SLC30A8: variants seen among roughly 807,000 people sequenced by gnomAD.
SLC30A8 encodes solute carrier family 30 member 8.
A neutral mutation model predicts 36.9 loss-of-function variants in SLC30A8; 27 were observed. The ratio of observed to expected loss-of-function variants is 0.73; its 90% CI spans 0.54 to 1.01. SLC30A8 has a LOEUF of 1.01. SLC30A8 is among the 50% of genes least tolerant of loss of function. The pLI, the probability that SLC30A8 is intolerant of heterozygous loss-of-function variation, is 0.00. For synonymous variants in SLC30A8, 164 were observed against 172.4 expected, an observed-to-expected ratio of 0.95 and a Z score of 0.38; for missense variants, 439 against 452.0, an observed-to-expected ratio of 0.97 and a Z score of 0.26.
At chr8:117,065,631 G>A (rs916992912) in intron 2 of SLC30A8, among the ~76,000 whole-genome samples, 4 of 151,904 alleles carry the variant, frequency 2.6e-5, no homozygotes, top group Non-Finnish European at 5.9e-5. Context: ...GACTTTACAC[G>A]GTCTCTGTGG....
chr8:117,028,550 G>GTTT (rs57593485), intron 1 of SLC30A8, among the ~76,000 whole-genome samples: 6 of 144,216 alleles, frequency 4.2e-5, no homozygotes, highest in East Asian at 2.0e-4. Flanking sequence ...TCTCACCACA[G>GTTT]TTTTTTTTTT....
upstream of SLC30A8, among the ~76,000 whole-genome samples, chr8:117,134,060 G>A (rs1469486256): frequency 6.6e-6 from 1 of 151,926 alleles, no homozygotes; most frequent in Non-Finnish European, 1.5e-5. Flanking sequence ...AACCAAAGGT[G>A]ACTTCTCCTG....
chr8:117,145,748 G>A (rs1447350025), intron 1 of SLC30A8, among the ~76,000 whole-genome samples: 1 of 152,038 alleles, frequency 6.6e-6, no homozygotes, highest in Non-Finnish European at 1.5e-5. Flanking sequence ...CTGAGCTTGG[G>A]ATTCCCACTC....
intron 1 of SLC30A8, among the ~76,000 whole-genome samples, chr8:116,992,406 C>A (rs1022054852): frequency 6.6e-6 from 1 of 152,016 alleles, no homozygotes; most frequent in Non-Finnish European, 1.5e-5. Flanking sequence ...AAGCATAGGG[C>A]CAAGATTCAA....
chr8:116,966,774 TAAGAG>T (rs1246026111), intron 1 of SLC30A8, among the ~76,000 whole-genome samples: 1 of 152,076 alleles, frequency 6.6e-6, no homozygotes, highest in East Asian at 1.9e-4. Flanking sequence ...ACCAGGGAAA[TAAGAG>T]AGGAGGATGT....
intron 2 of SLC30A8, among the ~76,000 whole-genome samples, chr8:117,041,265 G>C (rs559247734): frequency 2.0e-5 from 3 of 152,206 alleles, no homozygotes; most frequent in Non-Finnish European, 2.9e-5. Flanking sequence ...GGGAGGGGTG[G>C]AGAAGAGGAA....
chr8:117,175,973 A>G lies in SLC30A8; in HGVS notation c.*3292A>G, dbSNP rs1402992462. ...TTTGAAGAGCAGAATTGTCACTCCA[A>G]GGACATTTATTAATAAAAAGAACAA... On this transcript the variant is annotated 3_prime_UTR_variant, in exon 8 of 8. Coordinates refer to ENST00000456015, the MANE Select transcript of SLC30A8 (RefSeq NM_173851.3). 1.3e-5 allele frequency: 2 copies of G among 152,104 alleles called. No homozygotes were observed. Among genetic ancestry groups the G allele is most frequent in the Non-Finnish European group, 2.9e-5 (2 of 68,004 alleles). 9.4% of individuals were successfully genotyped at this position (152,104 alleles called of 1,614,324 possible).
intron 1 of SLC30A8, among the ~76,000 whole-genome samples, chr8:117,145,648 A>T (rs1053955656): frequency 1.9e-4 from 29 of 152,100 alleles, no homozygotes; most frequent in Admixed American, 3.3e-4. Flanking sequence ...TAAAAATCTG[A>T]TTAGTTCAAG....
intron 2 of SLC30A8, among the ~76,000 whole-genome samples, chr8:117,094,576 C>T (rs1819276364): frequency 6.6e-6 from 1 of 152,122 alleles, no homozygotes; most frequent in Non-Finnish European, 1.5e-5. Flanking sequence ...CTTTTATGGG[C>T]CTCAGAGGGG....
intron 2 of SLC30A8, among the ~76,000 whole-genome samples, chr8:117,054,416 T>C (rs1463398584): frequency 6.6e-6 from 1 of 152,192 alleles, no homozygotes; most frequent in African/African-American, 2.4e-5. Context: ...TCTTTGCATT[T>C]ACCATCTGAT....
At chr8:117,053,450 A>G (rs1817772462) in intron 2 of SLC30A8, among the ~76,000 whole-genome samples, 1 of 152,130 alleles carries the variant, frequency 6.6e-6, no homozygotes. Flanking sequence ...GCAGACGGAA[A>G]ACAGAGGCCG....
At chr8:116,984,680 G>C (rs1479003982) in intron 1 of SLC30A8, among the ~76,000 whole-genome samples, 1 of 151,702 alleles carries the variant, frequency 6.6e-6, no homozygotes. Context: ...CATTTCAATG[G>C]CTACAAATGT....
At chr8:117,116,430 A>G (rs894692961) in intron 2 of SLC30A8, among the ~76,000 whole-genome samples, 1 of 152,072 alleles carries the variant, frequency 6.6e-6, no homozygotes, top group African/African-American at 2.4e-5. Flanking sequence ...TAGGAATGGC[A>G]TATTGTGTGA....
chr8:117,115,783 C>T (rs1358215869), intron 2 of SLC30A8, among the ~76,000 whole-genome samples: 2 of 151,958 alleles, frequency 1.3e-5, no homozygotes, highest in Non-Finnish European at 2.9e-5. Flanking sequence ...GGCATATGAA[C>T]TGAGATCTAA....
At chr8:117,020,604 AAAG>A (rs537258226) in intron 1 of SLC30A8, among the ~76,000 whole-genome samples, 1 of 152,228 alleles carries the variant, frequency 6.6e-6, no homozygotes, top group South Asian at 2.1e-4. Context: ...GCTGTGAAAA[AAAG>A]AACAGGAAAA....
At chr8:117,104,445 C>T (rs1563599277) in intron 2 of SLC30A8, among the ~76,000 whole-genome samples, 2 of 152,274 alleles carry the variant, frequency 1.3e-5, no homozygotes, top group East Asian at 1.9e-4. Context: ...GCATGTCCCT[C>T]ATTTCCATCT....
intron 2 of SLC30A8, among the ~76,000 whole-genome samples, chr8:117,097,408 AAAAAAAAAAAATAT>A (rs1819426606): frequency 1.6e-5 from 2 of 123,082 alleles, no homozygotes; most frequent in Non-Finnish European, 3.2e-5. Context: ...AAAAAAAAAA[AAAAAAAAAAAATAT>A]ATATAAATAT....
chr8:116,961,589 G>A (rs1814425533), intron 1 of SLC30A8, among the ~76,000 whole-genome samples: 1 of 151,974 alleles, frequency 6.6e-6, no homozygotes, highest in Admixed American at 6.6e-5. Context: ...TGTTTGTGCT[G>A]CTATAACAGA....
At chr8:117,007,845 A>T (rs1324421556) in intron 1 of SLC30A8, among the ~76,000 whole-genome samples, 1 of 152,240 alleles carries the variant, frequency 6.6e-6, no homozygotes, top group Non-Finnish European at 1.5e-5. Flanking sequence ...AAAAAAAGTC[A>T]CATAATATCT....
Sources: gnomAD v4.1 joint callset for allele counts (sites outside exome capture counted in the v4.1 genomes callset) on GRCh38, gnomAD v4.1.1 for gene constraint, MANE v1.5 for transcripts, NCBI Gene and HGNC (gene_info 2026-07-23, HGNC 2026-07-21) for gene names.